The following ASH1L variants were observed in gnomAD, a reference collection of about 807,000 sequenced individuals.
ASH1L encodes histone-lysine N-methyltransferase ASH1L.
In ASH1L, 23 loss-of-function variants were observed where a neutral mutation model predicts 269.0. The ratio of observed to expected loss-of-function variants is 0.09; its 90% confidence interval spans 0.06 to 0.12. The LOEUF (loss-of-function observed/expected upper bound fraction) is 0.12, where lower values mean the gene tolerates loss of function less well. Ranked by LOEUF, ASH1L falls within the 10% of genes least tolerant of loss-of-function variation. The pLI, the probability that ASH1L is intolerant of heterozygous loss-of-function variation, is 1.00. For missense variants in ASH1L, 2,912 were observed against 3,567.8 expected, an observed-to-expected ratio of 0.82 and a Z score of 4.68; for synonymous variants, 1,187 against 1,253.5, an observed-to-expected ratio of 0.95 and a Z score of 1.12.
At chr1:155,385,456 TAATA>T (rs1472451928) in intron 7 of ASH1L, among the ~76,000 whole-genome samples, 1 of 152,006 alleles carries the variant, frequency 6.6e-6, no homozygotes, top group East Asian at 1.9e-4. Flanking sequence ...AAAATTAAAA[TAATA>T]AATAAAATAA....
chr1:155,454,049 G>A (rs1042759518), intron 4 of ASH1L, among the ~76,000 whole-genome samples: 19 of 151,760 alleles, frequency 1.3e-4, no homozygotes, highest in African/African-American at 4.1e-4. Context: ...AGCTTGCAGT[G>A]AGCCGAGATC....
chr1:155,350,004 C>T (rs1653744249), intron 17 of ASH1L, among the ~76,000 whole-genome samples: 1 of 151,636 alleles, frequency 6.6e-6, no homozygotes, highest in South Asian at 2.1e-4. Flanking sequence ...ATTCTCCTGC[C>T]TCAGCCTCCC....
intron 5 of ASH1L, chr1:155,433,823 G>A (rs1420667986): frequency 1.2e-6 from 2 of 1,606,614 alleles, no homozygotes; most frequent in Non-Finnish European, 1.7e-6. Context: ...TGACAACAAT[G>A]AAAATCTTCA....
At chr1:155,509,917 T>C (rs945953412) in intron 2 of ASH1L, among the ~76,000 whole-genome samples, 2 of 152,206 alleles carry the variant, frequency 1.3e-5, no homozygotes, top group African/African-American at 4.8e-5. Flanking sequence ...AGGATTTATA[T>C]GTTAAAAAAC....
intron 1 of ASH1L, among the ~76,000 whole-genome samples, chr1:155,552,358 C>T (rs1571144377): frequency 6.6e-6 from 1 of 151,838 alleles, no homozygotes; most frequent in Non-Finnish European, 1.5e-5. Context: ...TCCAGCTACT[C>T]GGGAGGCTGA....
intron 1 of ASH1L, among the ~76,000 whole-genome samples, chr1:155,529,250 G>A (rs1669490566): frequency 6.6e-6 from 1 of 151,950 alleles, no homozygotes; most frequent in Non-Finnish European, 1.5e-5. Flanking sequence ...CTGTTTTTAG[G>A]TCTTTGAGGG....
intron 1 of ASH1L, among the ~76,000 whole-genome samples, chr1:155,534,611 A>C (rs1413736175): frequency 6.6e-6 from 1 of 152,034 alleles, no homozygotes; most frequent in Non-Finnish European, 1.5e-5. Context: ...TGCCAGGATG[A>C]GACAGAAAGG....
Position 155,337,766 on chromosome 1 carries a change from A to G in ASH1L, c.8804-15T>C. The stretch of plus-strand genomic sequence containing the variant: ...CACATCAATGGCTGAAAACAGAACC[A>G]AGGAGGCTCATCAAAATACCAATCT... On this transcript the variant is annotated splice_polypyrimidine_tract_variant and intron_variant, in intron 27 of 27. Transcript: ENST00000392403. 2.5e-6 allele frequency: 4 copies of G among 1,609,958 alleles called. No homozygotes were observed. The South Asian group carries it at 4.4e-5, about 18-fold the overall frequency.
At chr1:155,400,239 G>A (rs183110702) in intron 6 of ASH1L, among the ~76,000 whole-genome samples, 6 of 150,904 alleles carry the variant, frequency 4.0e-5, no homozygotes, top group Admixed American at 3.3e-4. Context: ...AGGCTGAGAA[G>A]GAGAATCGCT....
chr1:155,388,081 A>G (rs1657590198), intron 7 of ASH1L, among the ~76,000 whole-genome samples: 1 of 152,120 alleles, frequency 6.6e-6, no homozygotes. Flanking sequence ...AGTTTGAGAG[A>G]GGTGTGAAAG....
At chr1:155,352,962 G>A (rs1485505310) in intron 16 of ASH1L, 104 bp from the exon 17 acceptor site, 1 of 1,019,874 alleles carries the variant, frequency 9.8e-7, no homozygotes. Flanking sequence ...CCCCTGAAGT[G>A]ATTAGGTAGA....
intron 1 of ASH1L, among the ~76,000 whole-genome samples, chr1:155,531,993 T>C (rs1669705425): frequency 6.6e-6 from 1 of 152,196 alleles, no homozygotes; most frequent in Non-Finnish European, 1.5e-5. Flanking sequence ...ACAATCTAGG[T>C]TTTCCATCCA....
At chr1:155,444,456 A>C (rs957825751) in intron 4 of ASH1L, among the ~76,000 whole-genome samples, 1 of 152,062 alleles carries the variant, frequency 6.6e-6, no homozygotes. Context: ...CTCATTTATA[A>C]ATTTAATTTG....
At chr1:155,348,027 TA>T (rs1251368818) in intron 19 of ASH1L, 123 bp from the exon 20 acceptor site, 1 of 1,154,198 alleles carries the variant, frequency 8.7e-7, no homozygotes, top group Non-Finnish European at 1.2e-6. Flanking sequence ...AGATTTTCAA[TA>T]GTATCAAATA....
chr1:155,487,238 T>C (rs1369013700), intron 2 of ASH1L, among the ~76,000 whole-genome samples: 1 of 152,012 alleles, frequency 6.6e-6, no homozygotes, highest in Non-Finnish European at 1.5e-5. Flanking sequence ...AGAGTACCTA[T>C]TCTGACTTCA....
At position 155,497,404 on chromosome 1, in the gene ASH1L, G is replaced by A. The variant is rs60359257; in HGVS notation, c.421-14955C>T. On this transcript the variant is annotated intron_variant, in intron 2 of 27. Transcript: ENST00000392403. ...TTCCACCTCTGCTACCCCTTAGACA[G>A]CAAGACCAACCCCTACTCTTCCTCC... Among the ~76,000 whole-genome samples, 451 of 152,276 alleles carry A rather than the reference G, an allele frequency of 3.0e-3. 3 individuals carry two copies. The highest frequency in any genetic ancestry group is 0.01 in the African/African-American group (435 of 41,560).
Position 155,481,476 on chromosome 1 carries a change from A to C in ASH1L, c.1394T>G (p.Phe465Cys), listed in dbSNP as rs778680601. The C allele has an allele frequency of 6.2e-7, 1 of 1,614,072 alleles. No individual in the cohort carries two copies. Among genetic ancestry groups the C allele is most frequent in the Non-Finnish European group, 8.5e-7 (1 of 1,179,986 alleles). ...ATTCTGCCGTACAACATTCTTTTCA[A>C]AAGTTTTGCTGGTGGCACTATCTTT... is the stretch of plus-strand genomic sequence containing the variant. ...SLKDSATSKT[F>C]EKNVVRQNKE... Residue 465 changes from phenylalanine (F) to cysteine (C), a missense_variant, in exon 3 of 28, where the codon TTT becomes TGT. By Grantham distance (205) the Phe-to-Cys change is radical (BLOSUM62 -2). Coordinates refer to ENST00000392403, the MANE Select transcript of ASH1L (RefSeq NM_018489.3).
chr1:155,374,475 T>C (rs1026235203), intron 10 of ASH1L, among the ~76,000 whole-genome samples: 10 of 152,142 alleles, frequency 6.6e-5, no homozygotes, highest in East Asian at 3.8e-4. Context: ...ATCATGTAAA[T>C]AGGAGCAGAG....
chr1:155,464,585 GTT>G (rs1664538055), intron 3 of ASH1L, among the ~76,000 whole-genome samples: 3 of 151,894 alleles, frequency 2.0e-5, no homozygotes, highest in South Asian at 4.1e-4. Flanking sequence ...AAGGGAAATA[GTT>G]TTTCTTCCGT....
Sources: gnomAD v4.1 joint callset for allele counts (sites outside exome capture counted in the v4.1 genomes callset) on GRCh38, gnomAD v4.1.1 for gene constraint, MANE v1.5 for transcripts, NCBI Gene and HGNC (gene_info 2026-07-23, HGNC 2026-07-21) for gene names.